SMARCE1: variants seen among roughly 807,000 people sequenced by gnomAD.
The protein encoded by SMARCE1 is SWI/SNF-related matrix-associated actin-dependent regulator of chromatin subfamily E member 1.
Under a neutral mutation model 54.9 loss-of-function variants are expected in SMARCE1, and 13 were observed. The observed-to-expected ratio is 0.24, with a 90% CI of 0.15 to 0.38. The LOEUF (loss-of-function observed/expected upper bound fraction) is 0.38. SMARCE1 is among the 10% of genes least tolerant of loss of function. SMARCE1 has a pLI of 1.00. For missense variants in SMARCE1, 295 were observed against 523.8 expected (o/e 0.56, Z 4.26); for synonymous variants, 151 against 175.3 (o/e 0.86, Z 1.10).
chr17:40,632,189 C>T lies in SMARCE1; in HGVS notation c.714+6G>A. ...TCTTATTGAAATGAATGTTTTATGACTTTACCTGATGAACCATTAAGGACT... is the reference window on the plus strand; with the variant it reads ...TCTTATTGAAATGAATGTTTTATGATTTTACCTGATGAACCATTAAGGACT... On this transcript the variant is annotated splice_donor_region_variant and intron_variant, in intron 8 of 10. Transcript: ENST00000348513. 1 of 1,607,288 alleles carries T rather than the reference C, an allele frequency of 6.2e-7. No homozygotes were observed. Among genetic ancestry groups the T allele is most frequent in the Non-Finnish European group, 8.5e-7 (1 of 1,176,292 alleles).
At chr17:40,630,033 G>A (rs1246933591) in intron 10 of SMARCE1, 2 of 447,068 alleles carry the variant, frequency 4.5e-6, no homozygotes, top group South Asian at 1.2e-4. Flanking sequence ...GCTCCAGGAA[G>A]CCTTTGGTTT....
chr17:40,632,478 G>A (rs1213274163), intron 7 of SMARCE1, 111 bp from the exon 8 acceptor site: 1 of 876,034 alleles, frequency 1.1e-6, no homozygotes, highest in South Asian at 1.7e-5. Context: ...GGCCTAACAA[G>A]TGGACCTGCC....
At position 40,627,907 on chromosome 17, in the gene SMARCE1, T is replaced by C. The variant is rs1400881075; in HGVS notation, c.*878A>G. The C allele has an allele frequency of 6.6e-6, 1 of 152,636 alleles. No homozygotes were observed. The highest frequency in any genetic ancestry group is 1.9e-4 in the East Asian group (1 of 5,200). The allele number at this position is 152,636 out of a possible 1,614,324, so 9.5% of individuals were successfully genotyped here. A position where few individuals can be genotyped will look rare whatever the true frequency, so the allele number is the denominator to read the frequency against. On this transcript the variant is annotated 3_prime_UTR_variant, in exon 11 of 11. Transcript: ENST00000348513. The stretch of plus-strand genomic sequence containing the variant: ...CTATGGGATCCTGAGCCTTGAGGTT[T>C]GGATGTTCTGATTATTGTAAAACAA...
intron 3 of SMARCE1, chr17:40,643,799 A>C (rs1406061466): frequency 6.6e-6 from 1 of 152,198 alleles, no homozygotes; most frequent in Non-Finnish European, 1.5e-5. Flanking sequence ...TACATTTGAT[A>C]CTCTTTAGGA....
chr17:40,636,555 T>C, intron 5 of SMARCE1, 29 bp from the exon 6 acceptor site: 2 of 1,579,800 alleles, frequency 1.3e-6, no homozygotes, highest in African/African-American at 1.3e-5. Flanking sequence ...GAAATGTTAA[T>C]ACTGATGTCT....
At chr17:40,636,143 G>A in intron 6 of SMARCE1, 41 bp from the exon 7 acceptor site, 1 of 1,524,344 alleles carries the variant, frequency 6.6e-7, no homozygotes. Context: ...TTAACATTTT[G>A]CAGGTTATAA....
At chr17:40,636,756 T>C (rs566685299) in intron 5 of SMARCE1, 103 of 383,314 alleles carry the variant, frequency 2.7e-4, no homozygotes, top group African/African-American at 2.0e-3. Flanking sequence ...CACTCACTTA[T>C]AAATACTTCA....
In SMARCE1 at chr17:40,628,547, G is replaced by A. The variant is rs2037057477; in HGVS notation, c.*238C>T. 2.2e-6 allele frequency: 1 copy of A among 459,736 alleles called. No individual in the cohort carries two copies. The highest frequency in any genetic ancestry group is 3.9e-6 in the Non-Finnish European group (1 of 254,606). 28.5% of individuals were successfully genotyped at this position (459,736 alleles called of 1,614,324 possible). On this transcript the variant is annotated 3_prime_UTR_variant, in exon 11 of 11. Coordinates refer to ENST00000348513, the MANE Select transcript of SMARCE1 (RefSeq NM_003079.5). The stretch of plus-strand genomic sequence containing the variant: ...TGTTTTCTCAATTAATCTAAATTCT[G>A]AGGCTTTCAGCAGTTGAGGGCTAGA...
chr17:40,629,725 CTGAG>C (rs1406752010), intron 10 of SMARCE1: 18 of 396,554 alleles, frequency 4.5e-5, no homozygotes, highest in Non-Finnish European at 5.7e-5. Flanking sequence ...AGGCAAAGGA[CTGAG>C]TGTTTGTCTA....
Position 40,627,171 on chromosome 17 carries a change from T to C in SMARCE1, c.*1614A>G, listed in dbSNP as rs1198572646. ...TAATGGCCAAAGCTCAAAACAGATC[T>C]ATTTGATACAAATTCGTTCTTTGAC... On this transcript the variant is annotated 3_prime_UTR_variant, in exon 11 of 11. Coordinates refer to ENST00000348513, the MANE Select transcript of SMARCE1 (RefSeq NM_003079.5). 1 of 152,214 alleles carries C rather than the reference T, an allele frequency of 6.6e-6. No homozygotes were observed. Among genetic ancestry groups the C allele is most frequent in the East Asian group, 1.9e-4 (1 of 5,198 alleles). The allele number at this position is 152,214 out of a possible 1,614,324, so 9.4% of individuals were successfully genotyped here.
intron 3 of SMARCE1, chr17:40,643,539 G>A (rs1346208723): frequency 6.6e-6 from 1 of 152,112 alleles, no homozygotes; most frequent in Non-Finnish European, 1.5e-5. Flanking sequence ...GAGAACCAAG[G>A]CATAATGCAT....
chr17:40,639,194 G>A (rs1400327899), intron 4 of SMARCE1, among the ~76,000 whole-genome samples: 2 of 152,170 alleles, frequency 1.3e-5, no homozygotes, highest in Non-Finnish European at 2.9e-5. Flanking sequence ...AGGGAAACCT[G>A]TATCAGGGTC....
At position 40,642,751 on chromosome 17, in the gene SMARCE1, A is replaced by G. The variant is rs546201599; in HGVS notation, c.52-192T>C. ...TTCTTTCATTGAGAAACCTGTCTGCAGTGTCTTTTGGTTGTTTTTCTCTTT... is the reference window on the plus strand; with the variant it reads ...TTCTTTCATTGAGAAACCTGTCTGCGGTGTCTTTTGGTTGTTTTTCTCTTT... On this transcript the variant is annotated intron_variant, in intron 3 of 10. Transcript: ENST00000348513. This position sits in a 1 kb window ranked among gnomAD's most constrained non-coding sequence, Gnocchi z 4.6. 1.6e-4 allele frequency: 90 copies of G among 553,474 alleles called. No homozygotes were observed. Among genetic ancestry groups the G allele is most frequent in the African/African-American group, 1.5e-3 (80 of 51,908 alleles). The allele number at this position is 553,474 out of a possible 1,614,324, so 34.3% of individuals were successfully genotyped here.
intron 7 of SMARCE1, chr17:40,634,128 CTTTT>C (rs971813217): frequency 1.3e-5 from 2 of 149,518 alleles, no homozygotes; most frequent in Non-Finnish European, 3.0e-5. Flanking sequence ...CACATGCCCT[CTTTT>C]TTTTTTCTTT....
chr17:40,631,565 A>G (rs1231818748), intron 9 of SMARCE1, 27 bp downstream of exon 9: 1 of 1,128,946 alleles, frequency 8.9e-7, no homozygotes, highest in Non-Finnish European at 1.3e-6. Flanking sequence ...TAGTGATAAA[A>G]GTATAGTTAA....
At position 40,626,119 on chromosome 17, in the gene SMARCE1, C is replaced by CA. The variant is rs1283835214; in HGVS notation, c.*2665dup. 2 of 151,934 alleles carry CA rather than the reference C, an allele frequency of 1.3e-5. No individual in the cohort carries two copies. Among genetic ancestry groups the CA allele is most frequent in the Admixed American group, 6.6e-5 (1 of 15,258 alleles). The allele number at this position is 151,934 out of a possible 1,614,324, so 9.4% of individuals were successfully genotyped here. A position where few individuals can be genotyped will look rare whatever the true frequency, so the allele number is the denominator to read the frequency against. On this transcript the variant is annotated 3_prime_UTR_variant, in exon 11 of 11. Transcript: ENST00000348513. The stretch of plus-strand genomic sequence containing the variant: ...GCGGGCGCCTGTAATCCCAGCTACT[C>CA]AGGAGGCTGAGGCAGGAGAATTGCT...
In SMARCE1 at chr17:40,626,231, A is replaced by G. The variant is rs980052049; in HGVS notation, c.*2554T>C. On this transcript the variant is annotated 3_prime_UTR_variant, in exon 11 of 11. Coordinates refer to ENST00000348513, the MANE Select transcript of SMARCE1 (RefSeq NM_003079.5). ...AACAGTCAGACTGTCTCAAAAAAAA[A>G]GGAAAATTGGGTGACTATCGAGGAT... 1.3e-5 allele frequency: 2 copies of G among 152,118 alleles called. No homozygotes were observed. Among genetic ancestry groups the G allele is most frequent in the African/African-American group, 4.8e-5 (2 of 41,416 alleles). 9.4% of individuals were successfully genotyped at this position (152,118 alleles called of 1,614,324 possible). A position where few individuals can be genotyped will look rare whatever the true frequency, so the allele number is the denominator to read the frequency against.
intron 3 of SMARCE1, chr17:40,644,628 TA>T (rs1187704570): frequency 7.9e-5 from 12 of 152,312 alleles, no homozygotes; most frequent in African/African-American, 2.9e-4. Flanking sequence ...AGTATCTCAC[TA>T]AAGAAAAACA....
intron 10 of SMARCE1, 89 bp downstream of exon 10, chr17:40,630,625 G>T: frequency 9.7e-7 from 1 of 1,032,266 alleles, no homozygotes. Context: ...GCAGGTACCA[G>T]AATACTTGCA....
Sources: allele counts gnomAD v4.1 joint callset (sites outside exome capture counted in the v4.1 genomes callset), GRCh38; gene constraint gnomAD v4.1.1; non-coding constraint Gnocchi (gnomAD v3.1); transcripts MANE v1.5; gene names NCBI Gene and HGNC (gene_info 2026-07-23, HGNC 2026-07-21).